The following APBA1 variants were observed in gnomAD, a reference collection of about 807,000 sequenced individuals.
APBA1 encodes the protein amyloid beta precursor protein binding family A member 1, also known as amyloid-beta A4 precursor protein-binding family A member 1.
APBA1 carries 55 observed loss-of-function variants against 86.6 expected under a neutral mutation model. That is an observed-to-expected ratio of 0.64 (90% CI 0.51 to 0.80). The LOEUF is 0.80. APBA1 is among the 30% of genes least tolerant of loss of function. The pLI is 0.00. For synonymous variants in APBA1, 511 were observed against 493.9 expected, an observed-to-expected ratio of 1.03 and a Z score of -0.46; for missense variants, 1,090 against 1,183.0, an observed-to-expected ratio of 0.92 and a Z score of 1.15.
At chr9:69,604,931 C>T (rs995555562) in intron 1 of APBA1, among the ~76,000 whole-genome samples, 6 of 151,900 alleles carry the variant, frequency 3.9e-5, no homozygotes, top group South Asian at 2.1e-4. Context: ...CATGCACACA[C>T]GTGAGGGTAA....
chr9:69,572,745 CAT>C (rs1330742319), intron 1 of APBA1, among the ~76,000 whole-genome samples: 2 of 152,224 alleles, frequency 1.3e-5, no homozygotes, highest in Non-Finnish European at 2.9e-5. Context: ...AACTCCTCCA[CAT>C]GAGAGCTGTG....
At chr9:69,572,077 T>G (rs1040534550) in intron 1 of APBA1, among the ~76,000 whole-genome samples, 1 of 152,228 alleles carries the variant, frequency 6.6e-6, no homozygotes, top group Non-Finnish European at 1.5e-5. Flanking sequence ...ATTATCTCTT[T>G]TTAAAATTTG....
At chr9:69,579,091 C>CA (rs573423592) in intron 1 of APBA1, among the ~76,000 whole-genome samples, 34 of 151,716 alleles carry the variant, frequency 2.2e-4, no homozygotes, top group African/African-American at 8.0e-4. Flanking sequence ...CAGCTTAAAA[C>CA]AAAAAACCCA....
chr9:69,433,560 C>G (rs892798488), intron 11 of APBA1, among the ~76,000 whole-genome samples: 1 of 152,156 alleles, frequency 6.6e-6, no homozygotes, highest in East Asian at 1.9e-4. Context: ...ACTCCTTGTT[C>G]GTATCTGAAC....
intron 1 of APBA1, among the ~76,000 whole-genome samples, chr9:69,576,296 G>C (rs1449583375): frequency 6.6e-6 from 1 of 152,218 alleles, no homozygotes; most frequent in Non-Finnish European, 1.5e-5. Context: ...GGAAGTCAGT[G>C]TGGCGATTCC....
chr9:69,624,385 T>G (rs554224921), intron 1 of APBA1, among the ~76,000 whole-genome samples: 1 of 152,210 alleles, frequency 6.6e-6, no homozygotes, highest in Non-Finnish European at 1.5e-5. Context: ...TTGAAACAAA[T>G]TTTATAGTTA....
At chr9:69,487,537 T>C (rs1187696873) in intron 2 of APBA1, among the ~76,000 whole-genome samples, 3 of 152,104 alleles carry the variant, frequency 2.0e-5, no homozygotes, top group Non-Finnish European at 2.9e-5. Context: ...GCAGCAGTGT[T>C]GAGAGGCAGA....
chr9:69,471,993 A>G (rs909410303), intron 3 of APBA1, among the ~76,000 whole-genome samples: 1 of 152,238 alleles, frequency 6.6e-6, no homozygotes, highest in Non-Finnish European at 1.5e-5. Flanking sequence ...AACAATAAAA[A>G]GGGCACAATT....
chr9:69,436,134 T>A (rs1278589843), intron 11 of APBA1, among the ~76,000 whole-genome samples: 4 of 149,852 alleles, frequency 2.7e-5, no homozygotes, highest in African/African-American at 9.8e-5. Context: ...GTTCCATTGG[T>A]CTATATCTCT....
chr9:69,453,060 C>A (rs1387313260), intron 8 of APBA1, among the ~76,000 whole-genome samples: 1 of 152,224 alleles, frequency 6.6e-6, no homozygotes, highest in Non-Finnish European at 1.5e-5. Flanking sequence ...CTCACTATCT[C>A]ATTATGCCTT....
intron 2 of APBA1, 65 bp downstream of exon 2, chr9:69,515,946 C>A: frequency 6.8e-7 from 1 of 1,460,456 alleles, no homozygotes; most frequent in Non-Finnish European, 9.2e-7. Flanking sequence ...GCACACAAGG[C>A]CATGGGGCGC....
chr9:69,506,046 A>T (rs1224821233), intron 2 of APBA1, among the ~76,000 whole-genome samples: 1 of 151,478 alleles, frequency 6.6e-6, no homozygotes, highest in African/African-American at 2.4e-5. Flanking sequence ...GAAAAAAAAA[A>T]GAAAAGGAGG....
chr9:69,583,027 A>C (rs1821945627), intron 1 of APBA1, among the ~76,000 whole-genome samples: 1 of 152,224 alleles, frequency 6.6e-6, no homozygotes, highest in Non-Finnish European at 1.5e-5. Context: ...TTCTGAGCTA[A>C]GGAATCTGGT....
intron 1 of APBA1, among the ~76,000 whole-genome samples, chr9:69,532,267 C>T (rs1836446268): frequency 6.6e-6 from 1 of 152,172 alleles, no homozygotes; most frequent in Admixed American, 6.5e-5. Context: ...TATATGTATA[C>T]ATTCCATTAA....
Position 69,429,662 on chromosome 9 carries a change from C to T in APBA1, c.*1665G>A, listed in dbSNP as rs1834554230. On this transcript the variant is annotated 3_prime_UTR_variant, in exon 13 of 13. Transcript: ENST00000265381. The stretch of plus-strand genomic sequence containing the variant: ...TCACAGAACTCTCTGGTTGAAGTCT[C>T]TTGTCCCTAATCTTGTTATAGTCAC... 6.6e-6 allele frequency: 1 copy of T among 152,138 alleles called. No homozygotes were observed. Among genetic ancestry groups the T allele is most frequent in the Admixed American group, 6.5e-5 (1 of 15,270 alleles). The allele number at this position is 152,138 out of a possible 1,614,324, so 9.4% of individuals were successfully genotyped here.
At chr9:69,463,165 T>TAGATGGAAAAGCCTTTAAATTTC (rs1835218652) in intron 5 of APBA1, 2 of 152,202 alleles carry the variant, frequency 1.3e-5, no homozygotes, top group Admixed American at 1.3e-4. Context: ...TAAATTGTGG[T>TAGATGGAAAAGCCTTTAAATTTC]AGATGGAAAA....
At chr9:69,643,354 C>T (rs1823326442) in intron 1 of APBA1, among the ~76,000 whole-genome samples, 1 of 152,124 alleles carries the variant, frequency 6.6e-6, no homozygotes, top group Non-Finnish European at 1.5e-5. Context: ...GAGTCAGTGA[C>T]AATTTGGTTG....
At chr9:69,567,045 A>G (rs887183670) in intron 1 of APBA1, among the ~76,000 whole-genome samples, 1 of 152,206 alleles carries the variant, frequency 6.6e-6, no homozygotes, top group South Asian at 2.1e-4. Flanking sequence ...TGAATGGTCT[A>G]TACACTTCAG....
At chr9:69,468,864 TTC>T (rs983412752) in intron 4 of APBA1, among the ~76,000 whole-genome samples, 1 of 107,546 alleles carries the variant, frequency 9.3e-6, no homozygotes, top group African/African-American at 5.0e-5. Flanking sequence ...GTATTTTATT[TTC>T]TTTCTTTTTT....
Sources: gnomAD v4.1 joint callset for allele counts (sites outside exome capture counted in the v4.1 genomes callset) on GRCh38, gnomAD v4.1.1 for gene constraint, MANE v1.5 for transcripts, NCBI Gene and HGNC (gene_info 2026-07-23, HGNC 2026-07-21) for gene names.